EFCAB8: variants seen among roughly 807,000 people sequenced by gnomAD.
The protein encoded by EFCAB8 is EF-hand calcium-binding domain-containing protein 8.
EFCAB8 carries 100 observed loss-of-function variants against 116.3 expected under a neutral mutation model. The observed-to-expected ratio is 0.86, with a 90% confidence interval of 0.73 to 1.02. The LOEUF (loss-of-function observed/expected upper bound fraction) is 1.02. Ranked by LOEUF, EFCAB8 falls within the 50% of genes least tolerant of loss-of-function variation. The pLI is 0.00. For missense variants in EFCAB8, 1,320 were observed against 1,416.9 expected (o/e 0.93, Z 1.10); for synonymous variants, 558 against 567.9 (o/e 0.98, Z 0.25).
chr20:32,911,489 G>C lies in EFCAB8; in HGVS notation c.1567G>C (p.Gly523Arg). Residue 523 changes from glycine to arginine, a missense_variant, in exon 16 of 27, where the codon GGC becomes CGC. Gly to Arg is a moderately radical substitution (Grantham distance 125). Transcript: ENST00000400522. ...YSKIFKQVVS[G>R]CLRGTVSVWE... is the part of the protein sequence containing the mutation. Reference sequence around the variant, plus strand: ...TGTGTGCTCCCTACAGGTGGTGAGTGGCTGCCTGCGCGGCACAGTGAGTGT... The same window carrying C: ...TGTGTGCTCCCTACAGGTGGTGAGTCGCTGCCTGCGCGGCACAGTGAGTGT... 1 of 1,488,822 alleles carries C rather than the reference G, an allele frequency of 6.7e-7. No homozygotes were observed. The highest frequency in any genetic ancestry group is 1.4e-5 in the South Asian group (1 of 73,224). The allele number at this position is 1,488,822 out of a possible 1,614,324, so 92.2% of individuals were successfully genotyped here. A position where few individuals can be genotyped will look rare whatever the true frequency, so the allele number is the denominator to read the frequency against.
intron 3 of EFCAB8, among the ~76,000 whole-genome samples, chr20:32,870,889 C>T (rs1225858596): frequency 6.6e-6 from 1 of 151,504 alleles, no homozygotes; most frequent in Non-Finnish European, 1.5e-5. Flanking sequence ...AATGGAGTCT[C>T]ACTCTGTCAC....
In EFCAB8 at chr20:32,906,847, T is replaced by C; in HGVS notation, c.1161T>C (p.Thr387=). 6.9e-7 allele frequency: 1 copy of C among 1,446,294 alleles called. No homozygotes were observed. Among genetic ancestry groups the C allele is most frequent in the South Asian group, 1.2e-5 (1 of 81,900 alleles). The allele number at this position is 1,446,294 out of a possible 1,614,324, so 89.6% of individuals were successfully genotyped here. The change falls in exon 13 of 27, where the codon ACT becomes ACC. Residue 387 remains threonine, a synonymous_variant. Transcript: ENST00000400522. ...ACACCCACGTCTTGACCACAGTGAC[T>C]GGTGGCTACGATGCCTTCATCCGCC... ...DYCPDRNFLV[T]GGYDAFIRLW...
chr20:32,870,532 T>C (rs193125293), intron 3 of EFCAB8, among the ~76,000 whole-genome samples: 1 of 152,320 alleles, frequency 6.6e-6, no homozygotes, highest in African/African-American at 2.4e-5. Flanking sequence ...AGGGTCTCGC[T>C]TGGTTGCCCA....
chr20:32,876,578 T>A (rs766215889), intron 4 of EFCAB8, among the ~76,000 whole-genome samples: 7 of 152,242 alleles, frequency 4.6e-5, no homozygotes, highest in Admixed American at 6.5e-5. Context: ...AAGATGACAA[T>A]GATAACTAGC....
chr20:32,956,481 C>G (rs1988967371), intron 23 of EFCAB8, among the ~76,000 whole-genome samples: 1 of 151,962 alleles, frequency 6.6e-6, no homozygotes. Flanking sequence ...ATTTTCTGAT[C>G]AAATTTTCAG....
At chr20:32,898,207 A>T (rs1425005465) in intron 10 of EFCAB8, among the ~76,000 whole-genome samples, 1 of 152,116 alleles carries the variant, frequency 6.6e-6, no homozygotes, top group Admixed American at 6.5e-5. Context: ...CTCGTGGGAG[A>T]TGATTAGTAT....
At chr20:32,891,850 A>G (rs886571650) in intron 7 of EFCAB8, among the ~76,000 whole-genome samples, 2 of 150,306 alleles carry the variant, frequency 1.3e-5, no homozygotes, top group African/African-American at 4.9e-5. Context: ...TTTAATTGAG[A>G]CAGGGTCTTG....
intron 20 of EFCAB8, among the ~76,000 whole-genome samples, chr20:32,924,847 T>C (rs1987609612): frequency 6.6e-6 from 1 of 152,182 alleles, no homozygotes; most frequent in African/African-American, 2.4e-5. Flanking sequence ...CCCCTCTGGA[T>C]GCTGACCCTC....
At chr20:32,892,554 C>A (rs1337881968) in intron 8 of EFCAB8, among the ~76,000 whole-genome samples, 2 of 152,220 alleles carry the variant, frequency 1.3e-5, no homozygotes, top group African/African-American at 4.8e-5. Context: ...CCAGCAGAGG[C>A]TTGTCTGGCT....
chr20:32,878,373 A>G (rs1014525438), intron 4 of EFCAB8, among the ~76,000 whole-genome samples: 2 of 152,038 alleles, frequency 1.3e-5, no homozygotes, highest in Admixed American at 6.6e-5. Context: ...AGCCTGAGTG[A>G]CAAACAGAGA....
Position 32,931,633 on chromosome 20 carries a change from T to C in EFCAB8, c.2790+297T>C, listed in dbSNP as rs575428453. Among the ~76,000 whole-genome samples, 169 of 152,126 alleles carry C rather than the reference T, an allele frequency of 1.1e-3. 2 individuals are homozygous for C. The highest frequency in any genetic ancestry group is 3.9e-3 in the African/African-American group (164 of 41,520). ...TTAGCCGAGTGTGGTGGTGCACTCC[T>C]TGTAATCCCAGCTACTCAGGAGGCT... On this transcript the variant is annotated intron_variant, in intron 22 of 26. Transcript: ENST00000400522.
chr20:32,912,963 C>G (rs1302397967), intron 17 of EFCAB8, 99 bp downstream of exon 17: 1 of 667,314 alleles, frequency 1.5e-6, no homozygotes, highest in African/African-American at 1.8e-5. Context: ...GTTGGAACAC[C>G]ATGCAGGAAG....
rs1255418485 is a variant in EFCAB8, at chr20:32,878,612, G to A, written c.328-92G>A. On this transcript the variant is annotated intron_variant, in intron 4 of 26. Coordinates refer to ENST00000400522, the MANE Select transcript of EFCAB8 (RefSeq NM_001143967.2). ...GGCTCACTGCAAGCTCCGCTTCCCG[G>A]GTTCACGCCATTCTCCTGCCGAGTT... 3 of 985,270 alleles carry A rather than the reference G, an allele frequency of 3.0e-6. No homozygotes were observed. In the African/African-American group the frequency reaches 4.8e-5, roughly 16 times the overall value. The allele number at this position is 985,270 out of a possible 1,614,324, so 61.0% of individuals were successfully genotyped here. A position where few individuals can be genotyped will look rare whatever the true frequency, so the allele number is the denominator to read the frequency against.
At chr20:32,878,902 C>T (rs1482763968) in intron 5 of EFCAB8, 95 bp downstream of exon 5, 7 of 1,075,758 alleles carry the variant, frequency 6.5e-6, no homozygotes, top group Middle Eastern at 2.6e-4. Flanking sequence ...CGTGACCTTG[C>T]TGGTGCTGAC....
intron 22 of EFCAB8, among the ~76,000 whole-genome samples, chr20:32,942,484 C>T (rs375622527): frequency 4.6e-5 from 7 of 151,258 alleles, no homozygotes; most frequent in East Asian, 1.9e-4. Context: ...CCTAACAGTT[C>T]GAGACCAGCC....
chr20:32,923,715 G>T (rs550888238), intron 20 of EFCAB8, among the ~76,000 whole-genome samples: 6 of 152,026 alleles, frequency 3.9e-5, no homozygotes, highest in African/African-American at 1.2e-4. Context: ...GTATTATTCC[G>T]GGACTTGCTG....
intron 11 of EFCAB8, among the ~76,000 whole-genome samples, chr20:32,904,441 C>G (rs1199355218): frequency 1.3e-5 from 2 of 149,536 alleles, no homozygotes; most frequent in Non-Finnish European, 3.0e-5. Context: ...TTTGGGACTG[C>G]AGGTGCACCA....
At chr20:32,886,734 A>G (rs1985651025) in intron 6 of EFCAB8, among the ~76,000 whole-genome samples, 2 of 152,172 alleles carry the variant, frequency 1.3e-5, no homozygotes, top group Admixed American at 6.5e-5. Context: ...AAGCACCTCC[A>G]AAGGCTGAAG....
chr20:32,872,832 C>CTGTAA (rs1984754382), intron 3 of EFCAB8, among the ~76,000 whole-genome samples: 1 of 149,400 alleles, frequency 6.7e-6, no homozygotes, highest in Non-Finnish European at 1.5e-5. Context: ...TGGCTCATGC[C>CTGTAA]TGTAATCCCA....
Sources: gnomAD v4.1 joint callset for allele counts (sites outside exome capture counted in the v4.1 genomes callset) on GRCh38, gnomAD v4.1.1 for gene constraint, MANE v1.5 for transcripts, NCBI Gene and HGNC (gene_info 2026-07-23, HGNC 2026-07-21) for gene names.